DAPK2: variants seen among roughly 807,000 people sequenced by gnomAD.
DAPK2 encodes death associated protein kinase 2, also known as death-associated protein kinase 2.
DAPK2 carries 35 observed loss-of-function variants against 44.1 expected under a neutral mutation model. The observed-to-expected ratio is 0.79, with a 90% confidence interval of 0.61 to 1.05. DAPK2 has a LOEUF of 1.05. Ranked by LOEUF, DAPK2 falls within the 50% of genes least tolerant of loss-of-function variation. DAPK2 has a pLI of 0.00. For missense variants in DAPK2, 453 were observed against 483.2 expected (o/e 0.94, Z 0.59); for synonymous variants, 174 against 182.6 (o/e 0.95, Z 0.38).
At chr15:63,963,658 G>A (rs1224035940) in intron 3 of DAPK2, among the ~76,000 whole-genome samples, 1 of 151,916 alleles carries the variant, frequency 6.6e-6, no homozygotes, top group Non-Finnish European at 1.5e-5. Context: ...TTTTAGTGAA[G>A]GTAATTTTCT....
chr15:64,037,538 C>T (rs2080242940), intron 1 of DAPK2, among the ~76,000 whole-genome samples: 1 of 152,214 alleles, frequency 6.6e-6, no homozygotes, highest in Admixed American at 6.5e-5. Flanking sequence ...GGAGCATAAA[C>T]TGCCAGAGGA....
rs57218056 is a variant in DAPK2, at chr15:64,036,319, G to GTATATATATATATA, written c.92+3837_92+3850dup. Among the ~76,000 whole-genome samples the GTATATATATATATA allele has an allele frequency of 4.9e-4, 28 of 56,626 alleles. 1 individual carries two copies. The highest frequency in any genetic ancestry group is 1.4e-3 in the South Asian group (3 of 2,150). The allele number at this position is 56,626 out of a possible 152,430, so 37.1% of individuals were successfully genotyped here. On this transcript the variant is annotated intron_variant, in intron 1 of 10. Transcript: ENST00000261891. Reference sequence around the variant, plus strand: ...TGTGTGTGTGTGTGTGTATATATATGTATATATATATATATATACATATAT... The same window carrying GTATATATATATATA: ...TGTGTGTGTGTGTGTGTATATATATGTATATATATATATATATATATATATATATATACATATAT...
intron 2 of DAPK2, among the ~76,000 whole-genome samples, chr15:63,978,410 C>T (rs1697635968): frequency 6.6e-6 from 1 of 152,238 alleles, no homozygotes; most frequent in Non-Finnish European, 1.5e-5. Context: ...CCAAAAGCCA[C>T]TGACATGAAG....
intron 1 of DAPK2, among the ~76,000 whole-genome samples, chr15:64,025,845 A>G (rs2079824650): frequency 6.6e-6 from 1 of 152,192 alleles, no homozygotes; most frequent in African/African-American, 2.4e-5. Context: ...GGAAATATGG[A>G]TATTGCGGGG....
At chr15:64,025,023 C>T (rs1394577087) in intron 1 of DAPK2, among the ~76,000 whole-genome samples, 1 of 152,082 alleles carries the variant, frequency 6.6e-6, no homozygotes, top group African/African-American at 2.4e-5. Context: ...ACTGGACTCT[C>T]AGCAGGCTCC....
At chr15:63,941,607 G>A (rs549968589) in intron 3 of DAPK2, among the ~76,000 whole-genome samples, 5 of 152,120 alleles carry the variant, frequency 3.3e-5, no homozygotes, top group Non-Finnish European at 7.3e-5. Flanking sequence ...AGCTGACTGA[G>A]GCCTTCCTTG....
rs1367498827 is a variant in DAPK2 at position 63,980,624 on chromosome 15, G to GA, written c.314+2908dup. 6.6e-6 allele frequency among the ~76,000 whole-genome samples: 1 copy of GA among 152,184 alleles called. No individual in the cohort carries two copies. Among genetic ancestry groups the GA allele is most frequent in the East Asian group, 1.9e-4 (1 of 5,204 alleles). On this transcript the variant is annotated intron_variant, in intron 2 of 10. Transcript: ENST00000261891. This position sits in a 1 kb window ranked among gnomAD's most constrained non-coding sequence, Gnocchi z 4.3. ...AAAGAATTAATTAAAAAGAAAAGGA[G>GA]AAAATCATGAGAAGAAAGTTGTTTT...
chr15:64,020,759 G>A lies in DAPK2; in HGVS notation c.92+19411C>T, dbSNP rs143950704. On this transcript the variant is annotated intron_variant, in intron 1 of 10. Transcript: ENST00000261891. The surrounding 1 kb of genome is among the most constrained non-coding windows in gnomAD (Gnocchi z 4.5). ...GTCCCTGTTCCCAAAAGCACCTCAG[G>A]TACTAGAAGGAATAAATCAAAAGGG... Among the ~76,000 whole-genome samples, 180 of 152,282 alleles carry A rather than the reference G, an allele frequency of 1.2e-3. No individual in the cohort carries two copies. The highest frequency in any genetic ancestry group is 3.7e-3 in the Admixed American group (56 of 15,284).
At chr15:63,950,781 C>G (rs1229548835) in intron 3 of DAPK2, among the ~76,000 whole-genome samples, 4 of 152,154 alleles carry the variant, frequency 2.6e-5, no homozygotes, top group Non-Finnish European at 4.4e-5. Flanking sequence ...CTTAACCTCT[C>G]TAAATCTCCA....
chr15:63,939,249 C>T lies in DAPK2; in HGVS notation c.566G>A (p.Gly189Glu). ...CAACTCACCAACAAATTCCGGCGTC[C>T]CAAAAATATTCTTAAATTCAACTCC... Residue 189 changes from glycine to glutamate, a missense_variant, in exon 4 of 11, where the codon GGG becomes GAG. Coordinates refer to ENST00000261891, the Ensembl canonical transcript of DAPK2. This position sits in a 1 kb window ranked among gnomAD's most constrained non-coding sequence, Gnocchi z 4.3. 6.2e-7 allele frequency: 1 copy of T among 1,613,818 alleles called. No homozygotes were observed. The highest frequency in any genetic ancestry group is 8.5e-7 in the Non-Finnish European group (1 of 1,179,926).
In DAPK2 at chr15:64,013,084, G is replaced by T. The variant is rs954488782; in HGVS notation, c.92+27086C>A. Among the ~76,000 whole-genome samples, 1 of 152,162 alleles carries T rather than the reference G, an allele frequency of 6.6e-6. No individual in the cohort carries two copies. Among genetic ancestry groups the T allele is most frequent in the Non-Finnish European group, 1.5e-5 (1 of 68,030 alleles). ...CTACTAGCCTAGTCCCTGAAAGGAG[G>T]CCTGAGACCCCTGCCACCCCAGACC... On this transcript the variant is annotated intron_variant, in intron 1 of 10. Transcript: ENST00000261891. The surrounding 1 kb of genome is among the most constrained non-coding windows in gnomAD (Gnocchi z 4.7).
At chr15:64,024,782 A>G (rs2079791024) in intron 1 of DAPK2, among the ~76,000 whole-genome samples, 1 of 152,214 alleles carries the variant, frequency 6.6e-6, no homozygotes, top group Admixed American at 6.5e-5. Context: ...CACAGCCCTG[A>G]GCAGTCAAGT....
At chr15:63,971,506 C>G in exon 3 of DAPK2, 1 of 1,614,236 alleles carries the variant, frequency 6.2e-7, no homozygotes, top group Non-Finnish European at 8.5e-7. Flanking sequence ...GTGGCCTCCT[C>G]CTCACTCAGT....
At chr15:63,975,462 A>C (rs2078317467) in intron 2 of DAPK2, among the ~76,000 whole-genome samples, 1 of 152,120 alleles carries the variant, frequency 6.6e-6, no homozygotes, top group African/African-American at 2.4e-5. Context: ...TCTATTTCAC[A>C]CTTTAAGAAA....
intron 2 of DAPK2, among the ~76,000 whole-genome samples, chr15:63,979,509 G>T (rs765724371): frequency 6.6e-6 from 1 of 152,192 alleles, no homozygotes; most frequent in African/African-American, 2.4e-5. Flanking sequence ...CAACTGAGTA[G>T]GTGGATACTA....
chr15:64,030,582 C>T (rs2079983464), intron 1 of DAPK2, among the ~76,000 whole-genome samples: 1 of 151,992 alleles, frequency 6.6e-6, no homozygotes, highest in South Asian at 2.1e-4. Flanking sequence ...GCCCTGTCTC[C>T]CTTCCTCCCC....
intron 2 of DAPK2, among the ~76,000 whole-genome samples, chr15:63,982,153 C>A (rs565452396): frequency 6.7e-6 from 1 of 149,042 alleles, no homozygotes; most frequent in African/African-American, 2.5e-5. Context: ...CGCTACCAGG[C>A]AGGTGTATAC....
chr15:64,034,039 C>T (rs1041131517), intron 1 of DAPK2, among the ~76,000 whole-genome samples: 4 of 152,066 alleles, frequency 2.6e-5, no homozygotes, highest in African/African-American at 4.8e-5. Flanking sequence ...ACATTCACCT[C>T]GAATAACTTC....
upstream of DAPK2, chr15:64,046,422 G>A (rs867305827): frequency 9.7e-6 from 3 of 309,130 alleles, no homozygotes; most frequent in Non-Finnish European, 9.4e-6. This position sits in a 1 kb window ranked among gnomAD's most constrained non-coding sequence, Gnocchi z 5.3. Flanking sequence ...CGCTGGGCTC[G>A]GCCCTGCAGT....
Sources: gnomAD v4.1 joint callset for allele counts (sites outside exome capture counted in the v4.1 genomes callset) on GRCh38, gnomAD v4.1.1 for gene constraint, Gnocchi (gnomAD v3.1) non-coding constraint, MANE v1.5 for transcripts, NCBI Gene and HGNC (gene_info 2026-07-23, HGNC 2026-07-21) for gene names.